Variants in MAP7D2 observed in about 807,000 individuals in gnomAD.
The protein encoded by MAP7D2 is MAP7 domain containing 2.
Under a neutral mutation model 63.5 loss-of-function variants are expected in MAP7D2, and 33 were observed. The observed-to-expected ratio is 0.52, with a 90% CI of 0.39 to 0.70. The LOEUF is 0.70. Among genes scored for constraint, MAP7D2 ranks in the 30% least tolerant of loss-of-function variants. MAP7D2 has a pLI of 0.00. For synonymous variants in MAP7D2, 224 were observed against 223.7 expected (o/e 1.00, Z -0.01); for missense variants, 626 against 604.0 (o/e 1.04, Z -0.38).
intron 1 of MAP7D2, among the ~76,000 whole-genome samples, chrX:20,113,269 C>T (rs758765418): frequency 6.3e-5 from 7 of 110,722 alleles, no homozygotes; most frequent in African/African-American, 2.3e-4. Flanking sequence ...TTTTTAAGAT[C>T]GGAGTCTCAC....
chrX:20,053,851 A>G (rs2065008422), intron 4 of MAP7D2, among the ~76,000 whole-genome samples: 1 of 109,241 alleles, frequency 9.2e-6, no homozygotes. Context: ...ATCTTAAATA[A>G]TTTTTTTTTT....
chrX:20,104,613 T>C (rs2066520111), intron 1 of MAP7D2, among the ~76,000 whole-genome samples: 1 of 112,628 alleles, frequency 8.9e-6, no homozygotes, highest in African/African-American at 3.2e-5. Flanking sequence ...GAATTAGTGA[T>C]TTTTTTAAAA....
chrX:20,041,583 T>C (rs760892740), intron 8 of MAP7D2, among the ~76,000 whole-genome samples: 4 of 112,482 alleles, frequency 3.6e-5, no homozygotes, highest in African/African-American at 1.3e-4. Context: ...TCATTAAACT[T>C]GTGTTTATCC....
At chrX:20,032,642 T>C (rs1380099514) in intron 8 of MAP7D2, among the ~76,000 whole-genome samples, 3 of 112,296 alleles carry the variant, frequency 2.7e-5, no homozygotes, top group African/African-American at 9.7e-5. Flanking sequence ...GAAACAAAAC[T>C]GATCTCAGCT....
intron 1 of MAP7D2, 39 bp downstream of exon 1, chrX:20,116,711 C>T (rs761533640): frequency 8.8e-7 from 1 of 1,132,237 alleles, no homozygotes; most frequent in Admixed American, 2.7e-5. Flanking sequence ...CACAGGAACC[C>T]GAAGCCCTCG....
At chrX:20,063,700 A>T (rs921463858) in intron 2 of MAP7D2, 123 bp from the exon 3 acceptor site, 1 of 742,638 alleles carries the variant, frequency 1.3e-6, no homozygotes, top group Non-Finnish European at 1.9e-6. Context: ...CCTAGCATGC[A>T]GTGATTGAGA....
At chrX:20,113,290 G>A (rs1004577438) in intron 1 of MAP7D2, among the ~76,000 whole-genome samples, 4 of 110,862 alleles carry the variant, frequency 3.6e-5, no homozygotes, top group East Asian at 5.6e-4. Context: ...TCTGTCGCCC[G>A]GGGTGGAGTG....
chrX:20,083,353 A>T (rs1489607088), intron 1 of MAP7D2, among the ~76,000 whole-genome samples: 2 of 112,298 alleles, frequency 1.8e-5, no homozygotes, highest in Non-Finnish European at 3.8e-5. Flanking sequence ...GGCCACTGCC[A>T]TTCCAAAATA....
chrX:20,051,207 T>C (rs2064939506), intron 5 of MAP7D2, among the ~76,000 whole-genome samples: 1 of 111,343 alleles, frequency 9.0e-6, no homozygotes, highest in Non-Finnish European at 1.9e-5. Context: ...TACAGTAACC[T>C]GTATCACTCA....
chrX:20,075,680 T>G (rs912821304), intron 1 of MAP7D2, among the ~76,000 whole-genome samples: 2 of 111,987 alleles, frequency 1.8e-5, no homozygotes, highest in African/African-American at 6.5e-5. Flanking sequence ...TTTGACACTT[T>G]TCTAGTCTCC....
intron 16 of MAP7D2, among the ~76,000 whole-genome samples, chrX:20,008,824 G>C (rs954666913): frequency 8.1e-5 from 9 of 111,546 alleles, no homozygotes; most frequent in African/African-American, 2.9e-4. Flanking sequence ...AATAATTTGA[G>C]ATTTTTCTTT....
chrX:20,110,559 G>T (rs1400799233), intron 1 of MAP7D2, among the ~76,000 whole-genome samples: 1 of 107,254 alleles, frequency 9.3e-6, no homozygotes, highest in Non-Finnish European at 1.9e-5. Flanking sequence ...CTCCTTGGAG[G>T]GGTTGAGGTG....
At chrX:20,066,122 C>T (rs1239497529) in intron 1 of MAP7D2, among the ~76,000 whole-genome samples, 3 of 110,983 alleles carry the variant, frequency 2.7e-5, no homozygotes, top group African/African-American at 9.9e-5. Flanking sequence ...CGGGGTTTCA[C>T]CTTGTTAGCC....
At chrX:20,107,054 C>A (rs1370496956) in intron 1 of MAP7D2, among the ~76,000 whole-genome samples, 1 of 110,444 alleles carries the variant, frequency 9.1e-6, no homozygotes, top group Non-Finnish European at 1.9e-5. Flanking sequence ...ACGGCAAGGG[C>A]GGTAGGCTCG....
At chrX:20,024,578 C>A (rs1001367165) in intron 10 of MAP7D2, among the ~76,000 whole-genome samples, 3 of 111,931 alleles carry the variant, frequency 2.7e-5, no homozygotes, top group African/African-American at 9.8e-5. Context: ...AAGACCAAAA[C>A]CAGAATCTTG....
At chrX:20,053,136 T>C (rs190503803) in intron 4 of MAP7D2, 148 bp from the exon 5 acceptor site, 1 of 452,779 alleles carries the variant, frequency 2.2e-6, no homozygotes, top group Non-Finnish European at 3.9e-6. Context: ...TCCTGGCATC[T>C]CATTATCCTA....
intron 1 of MAP7D2, among the ~76,000 whole-genome samples, chrX:20,104,520 C>T (rs900122902): frequency 1.7e-4 from 19 of 111,876 alleles, no homozygotes; most frequent in Non-Finnish European, 3.0e-4. Context: ...AGGCTGGTCT[C>T]GAACTCCTGA....
chrX:20,048,974 C>T (rs1049237316), intron 6 of MAP7D2, among the ~76,000 whole-genome samples: 4 of 109,811 alleles, frequency 3.6e-5, no homozygotes, highest in African/African-American at 6.6e-5. Context: ...TATACGTATA[C>T]ATATACACAT....
chrX:20,013,693 T>G lies in MAP7D2; in HGVS notation c.1750-68A>C, dbSNP rs1250855091. On this transcript the variant is annotated intron_variant, in intron 12 of 16. Transcript: ENST00000379643. ...TAAGACCAAAAACATAAAAGTAGCT[T>G]GGTTTACATGCAATGTCACATTTCT... 14 of 739,775 alleles carry G rather than the reference T, an allele frequency of 1.9e-5. No individual in the cohort carries two copies. In the Admixed American group the frequency reaches 4.1e-4, roughly 22 times the overall value. 61.0% of individuals were successfully genotyped at this position (739,775 alleles called of 1,213,427 possible). A position where few individuals can be genotyped will look rare whatever the true frequency, so the allele number is the denominator to read the frequency against.
Sources: allele counts gnomAD v4.1 joint callset (sites outside exome capture counted in the v4.1 genomes callset), GRCh38; gene constraint gnomAD v4.1.1; transcripts MANE v1.5; gene names NCBI Gene and HGNC (gene_info 2026-07-23, HGNC 2026-07-21).